Variants in SCNN1B observed in about 807,000 individuals in gnomAD.
SCNN1B encodes epithelial sodium channel subunit beta.
SCNN1B carries 46 observed loss-of-function variants against 65.3 expected under a neutral mutation model. The ratio of observed to expected loss-of-function variants is 0.70; its 90% CI spans 0.56 to 0.90. The LOEUF (loss-of-function observed/expected upper bound fraction) is 0.90. Among genes scored for constraint, SCNN1B ranks in the 40% least tolerant of loss-of-function variants. SCNN1B has a pLI of 0.00. For synonymous variants in SCNN1B, 349 were observed against 330.6 expected (o/e 1.06, Z -0.60); for missense variants, 751 against 830.5 (o/e 0.90, Z 1.18).
At chr16:23,297,603 C>A (rs145727386), upstream of SCNN1B, among the ~76,000 whole-genome samples, 841 of 152,296 alleles carry the variant, frequency 5.5e-3, 1 homozygote, top group Non-Finnish European at 9.1e-3. Context: ...AGCTCCCCAT[C>A]TGAACAACTC....
intron 1 of SCNN1B, among the ~76,000 whole-genome samples, chr16:23,324,896 C>T (rs186282919): frequency 8.6e-4 from 131 of 152,350 alleles, no homozygotes; most frequent in African/African-American, 3.0e-3. Flanking sequence ...CATTGGCACC[C>T]CCCCAAGTCC....
At chr16:23,365,268 G>A (rs1208892241) in intron 4 of SCNN1B, among the ~76,000 whole-genome samples, 1 of 151,196 alleles carries the variant, frequency 6.6e-6, no homozygotes, top group African/African-American at 2.4e-5. Flanking sequence ...CTCCAGCCTG[G>A]GCAACAGAGC....
At chr16:23,317,448 A>T (rs994311925) in intron 1 of SCNN1B, among the ~76,000 whole-genome samples, 12 of 152,098 alleles carry the variant, frequency 7.9e-5, no homozygotes, top group Non-Finnish European at 1.2e-4. Flanking sequence ...GACTGGAGAG[A>T]CCACTCAAGG....
chr16:23,316,607 A>G (rs1293308849), intron 1 of SCNN1B, among the ~76,000 whole-genome samples: 1 of 150,928 alleles, frequency 6.6e-6, no homozygotes, highest in African/African-American at 2.5e-5. Flanking sequence ...CATCACCATC[A>G]TCACCATCAT....
chr16:23,300,108 G>A (rs1031731328), upstream of SCNN1B, among the ~76,000 whole-genome samples: 13 of 152,102 alleles, frequency 8.5e-5, no homozygotes, highest in Non-Finnish European at 1.8e-4. Flanking sequence ...ACCAAACACT[G>A]CATGTTCTCA....
chr16:23,319,044 TG>T (rs1414332165), intron 1 of SCNN1B, among the ~76,000 whole-genome samples: 57 of 118,996 alleles, frequency 4.8e-4, no homozygotes, highest in Middle Eastern at 4.9e-3. Context: ...TTGTTTGTTT[TG>T]TTTTTTTTTT....
Position 23,379,966 on chromosome 16 carries a change from A to G in SCNN1B, c.1467-128A>G. ...TGCATGTGTGCACGGGTGTGTGGGT[A>G]CATGTGTGTGCATACATGTGGGTGT... On this transcript the variant is annotated intron_variant, in intron 11 of 12. Transcript: ENST00000343070. 5.1e-6 allele frequency: 4 copies of G among 778,796 alleles called. No individual in the cohort carries two copies. The Admixed American group carries it at 5.7e-5, about 11-fold the overall frequency. 48.2% of individuals were successfully genotyped at this position (778,796 alleles called of 1,614,324 possible).
intron 1 of SCNN1B, among the ~76,000 whole-genome samples, chr16:23,324,263 C>T (rs1047722484): frequency 1.3e-5 from 2 of 151,534 alleles, no homozygotes; most frequent in Non-Finnish European, 2.9e-5. Flanking sequence ...TCATAGATCA[C>T]TGCAGCCTGG....
At chr16:23,351,876 T>A (rs1358545466) in intron 2 of SCNN1B, among the ~76,000 whole-genome samples, 2 of 140,534 alleles carry the variant, frequency 1.4e-5, no homozygotes, top group Non-Finnish European at 2.9e-5. Flanking sequence ...TGCTCCCCCC[T>A]GGGAGGGAGA....
chr16:23,378,983 C>G (rs1166506401), intron 11 of SCNN1B, among the ~76,000 whole-genome samples: 1 of 147,952 alleles, frequency 6.8e-6, no homozygotes, highest in Non-Finnish European at 1.5e-5. Flanking sequence ...GTGCTTCCCT[C>G]TGTCACTGTG....
chr16:23,358,709 C>T (rs988401100), intron 4 of SCNN1B, among the ~76,000 whole-genome samples: 1 of 152,120 alleles, frequency 6.6e-6, no homozygotes, highest in Non-Finnish European at 1.5e-5. Context: ...GGGTTCGAGA[C>T]CAGCCTGGAC....
At chr16:23,296,191 G>A (rs1960994743) in intron 2 of SCNN1B, among the ~76,000 whole-genome samples, 2 of 152,132 alleles carry the variant, frequency 1.3e-5, no homozygotes, top group South Asian at 2.1e-4. Context: ...CCTTGGGGCA[G>A]AAACAAGAGG....
intron 1 of SCNN1B, among the ~76,000 whole-genome samples, chr16:23,343,507 GAAAAGGAAGGAAGGAAGGAAGA>G (rs1270172306): frequency 2.9e-5 from 2 of 69,484 alleles, no homozygotes; most frequent in Admixed American, 1.4e-4. Context: ...AGGAAGGAAG[GAAAAGGAAGGAAGGAAGGAAGA>G]AAGAGGGAGG....
At chr16:23,334,040 C>T (rs1041382073) in intron 1 of SCNN1B, among the ~76,000 whole-genome samples, 12 of 152,158 alleles carry the variant, frequency 7.9e-5, no homozygotes, top group African/African-American at 2.7e-4. Context: ...TTACTCATCA[C>T]CATGTAAGGT....
intron 1 of SCNN1B, among the ~76,000 whole-genome samples, chr16:23,320,131 G>A (rs1961557366): frequency 6.6e-6 from 1 of 152,186 alleles, no homozygotes; most frequent in Non-Finnish European, 1.5e-5. Context: ...GTGGGACCCA[G>A]CTTTTGCGTC....
At chr16:23,323,639 C>T in intron 1 of SCNN1B, 4 of 702,308 alleles carry the variant, frequency 5.7e-6, no homozygotes, top group Non-Finnish European at 1.0e-5. Flanking sequence ...TTGAACCCAA[C>T]TTCTTAACCA....
rs535121092 is a variant in SCNN1B at position 23,357,075 on chromosome 16, C to T, written c.776+1586C>T. On this transcript the variant is annotated intron_variant, in intron 4 of 12. Transcript: ENST00000343070. ...TTCAGCCAGTCCTGTTTCTGAGATT[C>T]GATGGTATCCTCCTTGATCTGGGGC... Among the ~76,000 whole-genome samples the T allele has an allele frequency of 3.3e-5, 5 of 152,214 alleles. No individual in the cohort carries two copies. In the East Asian group the frequency reaches 7.7e-4, roughly 23 times the overall value.
intron 1 of SCNN1B, among the ~76,000 whole-genome samples, chr16:23,344,022 C>T (rs1729107999): frequency 6.6e-6 from 1 of 152,252 alleles, no homozygotes; most frequent in South Asian, 2.1e-4. Context: ...GTTAGATGCT[C>T]AGCCAATACT....
At position 23,318,325 on chromosome 16, in the gene SCNN1B, G is replaced by T. The variant is rs374312373; in HGVS notation, c.-9+15888G>T. 5.3e-5 allele frequency among the ~76,000 whole-genome samples: 8 copies of T among 152,212 alleles called. 1 individual carries two copies. Among genetic ancestry groups the T allele is most frequent in the East Asian group, 1.9e-4 (1 of 5,170 alleles). The stretch of plus-strand genomic sequence containing the variant: ...CTAAAAAACAGGTGTATACTAATAT[G>T]CGGCCAGGCACAGTGGCTCATGCCT... On this transcript the variant is annotated intron_variant, in intron 1 of 12. Transcript: ENST00000343070.
Sources: allele counts gnomAD v4.1 joint callset (sites outside exome capture counted in the v4.1 genomes callset), GRCh38; gene constraint gnomAD v4.1.1; transcripts MANE v1.5; gene names NCBI Gene and HGNC (gene_info 2026-07-23, HGNC 2026-07-21).